The following CSMD1 variants were observed in gnomAD, a reference collection of about 807,000 sequenced individuals.
CSMD1 encodes the protein CUB and sushi domain-containing protein 1.
In CSMD1, 213 loss-of-function variants were observed where a neutral mutation model predicts 417.5. That is an observed-to-expected ratio of 0.51 (90% confidence interval 0.46 to 0.57). The LOEUF is 0.57. CSMD1 is among the 20% of genes least tolerant of loss of function. The probability of loss-of-function intolerance (pLI) is 0.00; values close to 1 mark genes in which losing one functional copy is unlikely to be tolerated. For synonymous variants in CSMD1, 2,862 were observed against 1,736.8 expected (o/e 1.65, Z -16.11); for missense variants, 6,923 against 4,529.7 (o/e 1.53, Z -15.17).
At chr8:3,956,298 G>C (rs764363500) in intron 5 of CSMD1, among the ~76,000 whole-genome samples, 2 of 152,142 alleles carry the variant, frequency 1.3e-5, no homozygotes, top group African/African-American at 4.8e-5. Flanking sequence ...CATCAAAACT[G>C]TTATTATCCC....
intron 2 of CSMD1, among the ~76,000 whole-genome samples, chr8:4,435,761 T>C (rs1352771121): frequency 2.0e-5 from 3 of 152,114 alleles, no homozygotes; most frequent in Non-Finnish European, 4.4e-5. Context: ...CAATAAAAAG[T>C]ACCATACCTT....
chr8:4,845,454 T>A (rs1801086899), intron 1 of CSMD1, among the ~76,000 whole-genome samples: 1 of 152,210 alleles, frequency 6.6e-6, no homozygotes, highest in East Asian at 1.9e-4. Context: ...CCAAAAATCT[T>A]CAAGTGCAAT....
intron 33 of CSMD1, 91 bp downstream of exon 33, chr8:3,199,623 G>A: frequency 1.6e-6 from 1 of 606,290 alleles, no homozygotes; most frequent in Admixed American, 3.5e-5. Flanking sequence ...ATGCAGCTGA[G>A]ATGTTTTGAG....
In CSMD1 at chr8:2,978,713, C is replaced by A; in HGVS notation, c.8465G>T (p.Ser2822Ile). 6.2e-7 allele frequency: 1 copy of A among 1,613,138 alleles called. No individual in the cohort carries two copies. Among genetic ancestry groups the A allele is most frequent in the Non-Finnish European group, 8.5e-7 (1 of 1,179,570 alleles). The change falls in exon 55 of 70, where the codon AGT becomes ATT. Residue 2822 changes from serine (S) to isoleucine (I), a missense_variant. Physicochemically the swap from Ser to Ile is moderately radical, Grantham distance 142 (BLOSUM62 -2). Coordinates refer to ENST00000635120, the MANE Select transcript of CSMD1 (RefSeq NM_033225.6). Reference protein sequence around the residue: ...NFPESFEYGMSILYHCKKGFY... With the variant: ...NFPESFEYGMIILYHCKKGFY... Reference sequence around the variant, plus strand: ...TCCCTTCTTGCAATGGTACAGGATACTCATTCCATACTCAAAACTCTCAGG... The same window carrying A: ...TCCCTTCTTGCAATGGTACAGGATAATCATTCCATACTCAAAACTCTCAGG...
intron 37 of CSMD1, among the ~76,000 whole-genome samples, chr8:3,176,710 C>A (rs1306908437): frequency 2.0e-5 from 3 of 152,064 alleles, no homozygotes; most frequent in Non-Finnish European, 4.4e-5. Context: ...TTTCTTGAAC[C>A]CATCAGGGAG....
chr8:3,744,961 G>A (rs1277008094), intron 6 of CSMD1, among the ~76,000 whole-genome samples: 2 of 152,182 alleles, frequency 1.3e-5, no homozygotes, highest in Non-Finnish European at 2.9e-5. Flanking sequence ...GGACAGGGCT[G>A]AGGCCTTTTG....
chr8:4,174,393 TTTAAA>T (rs1268200667), intron 3 of CSMD1, among the ~76,000 whole-genome samples: 2 of 152,068 alleles, frequency 1.3e-5, no homozygotes, highest in African/African-American at 4.8e-5. Context: ...GCCTAATTCC[TTTAAA>T]TTAAGAGAAA....
chr8:2,955,564 T>A lies in CSMD1; in HGVS notation c.9994+25A>T, dbSNP rs1468342854. The A allele has an allele frequency of 2.5e-6, 4 of 1,610,770 alleles. No individual in the cohort carries two copies. In the Admixed American group the frequency reaches 6.7e-5, roughly 27 times the overall value. On this transcript the variant is annotated intron_variant, in intron 64 of 69. Coordinates refer to ENST00000635120, the MANE Select transcript of CSMD1 (RefSeq NM_033225.6). Reference sequence around the variant, plus strand: ...CTTTCCCTTGCTCTTTGGAAAAGTATGCCACTCCTTGATCAATGACTTACT... The same window carrying A: ...CTTTCCCTTGCTCTTTGGAAAAGTAAGCCACTCCTTGATCAATGACTTACT...
At chr8:3,383,847 G>T (rs1810794697) in intron 18 of CSMD1, among the ~76,000 whole-genome samples, 1 of 152,096 alleles carries the variant, frequency 6.6e-6, no homozygotes, top group East Asian at 1.9e-4. Flanking sequence ...ACAGTAGAAT[G>T]AAATAAAAAC....
At position 3,964,107 on chromosome 8, in the gene CSMD1, G is replaced by C. The variant is rs140199275; in HGVS notation, c.818+33796C>G. On this transcript the variant is annotated intron_variant, in intron 5 of 69. Transcript: ENST00000635120. The stretch of plus-strand genomic sequence containing the variant: ...TTTTTGTCAACAGTAAAAAGAACCT[G>C]CTTTCAGAAAAAAAAGTTTTGCGTA... 4.4e-3 allele frequency among the ~76,000 whole-genome samples: 665 copies of C among 152,240 alleles called. 7 individuals carry two copies. Among genetic ancestry groups the C allele is most frequent in the African/African-American group, 0.015 (635 of 41,536 alleles).
At chr8:2,966,042 G>C (rs895443252) in intron 58 of CSMD1, 88 bp from the exon 59 acceptor site, 5 of 1,206,124 alleles carry the variant, frequency 4.1e-6, no homozygotes, top group Non-Finnish European at 5.9e-6. Flanking sequence ...TACTCTCTCT[G>C]AGTTGCTATT....
chr8:4,321,794 A>C (rs1345426472), intron 3 of CSMD1, among the ~76,000 whole-genome samples: 1 of 152,146 alleles, frequency 6.6e-6, no homozygotes, highest in Non-Finnish European at 1.5e-5. Flanking sequence ...TTTTTTCTAA[A>C]TTTACAAAGT....
At chr8:4,025,810 T>C (rs1347844340) in intron 4 of CSMD1, among the ~76,000 whole-genome samples, 1 of 152,210 alleles carries the variant, frequency 6.6e-6, no homozygotes, top group East Asian at 1.9e-4. Context: ...TGGCCTCTGA[T>C]TTAGTTCTGT....
chr8:3,829,298 G>C (rs1037420837), intron 5 of CSMD1, among the ~76,000 whole-genome samples: 3 of 152,070 alleles, frequency 2.0e-5, no homozygotes, highest in Non-Finnish European at 4.4e-5. Context: ...CCATTCCTGA[G>C]CTACTTCACT....
At chr8:3,651,215 C>G (rs1309874804) in intron 7 of CSMD1, among the ~76,000 whole-genome samples, 1 of 152,160 alleles carries the variant, frequency 6.6e-6, no homozygotes, top group Non-Finnish European at 1.5e-5. Flanking sequence ...TCACATGATC[C>G]TTTAAACACC....
At chr8:3,001,669 T>C (rs992401235) in intron 52 of CSMD1, among the ~76,000 whole-genome samples, 9 of 152,206 alleles carry the variant, frequency 5.9e-5, no homozygotes, top group African/African-American at 2.2e-4. Flanking sequence ...ATTCTAAAAA[T>C]AATAATCAAT....
intron 7 of CSMD1, among the ~76,000 whole-genome samples, chr8:3,619,281 C>T (rs2117183686): frequency 6.6e-6 from 1 of 152,270 alleles, no homozygotes; most frequent in African/African-American, 2.4e-5. Flanking sequence ...AGTCTTCAGT[C>T]CAGGTTGATC....
chr8:4,623,446 T>A (rs953533928), intron 2 of CSMD1, among the ~76,000 whole-genome samples: 1 of 152,076 alleles, frequency 6.6e-6, no homozygotes, highest in Non-Finnish European at 1.5e-5. Context: ...AAGTTTAACA[T>A]AAAACATACT....
At chr8:4,446,576 T>C (rs1370002463) in intron 2 of CSMD1, among the ~76,000 whole-genome samples, 1 of 152,048 alleles carries the variant, frequency 6.6e-6, no homozygotes, top group African/African-American at 2.4e-5. Context: ...GTGGGGAAGA[T>C]GGAGTCTCAT....
Sources: allele counts gnomAD v4.1 joint callset (sites outside exome capture counted in the v4.1 genomes callset), GRCh38; gene constraint gnomAD v4.1.1; transcripts MANE v1.5; gene names NCBI Gene and HGNC (gene_info 2026-07-23, HGNC 2026-07-21).